The following TRABD2B variants were observed in gnomAD, a reference collection of about 807,000 sequenced individuals.
TRABD2B encodes the protein metalloprotease TIKI2.
A neutral mutation model predicts 40.1 loss-of-function variants in TRABD2B; 14 were observed. That is an observed-to-expected ratio of 0.35 (90% CI 0.23 to 0.55). The LOEUF is 0.55. Ranked by LOEUF, TRABD2B falls within the 20% of genes least tolerant of loss-of-function variation. The pLI is 0.90. For missense variants in TRABD2B, 541 were observed against 648.6 expected (o/e 0.83, Z 1.80); for synonymous variants, 263 against 277.0 (o/e 0.95, Z 0.50).
At chr1:47,927,874 T>C (rs1644990411) in intron 2 of TRABD2B, among the ~76,000 whole-genome samples, 2 of 152,222 alleles carry the variant, frequency 1.3e-5, no homozygotes, top group Admixed American at 6.5e-5. Context: ...GACCTCTGCT[T>C]CTCTCCCCAA....
Position 47,778,692 on chromosome 1 carries a change from A to G in TRABD2B, c.989-148T>C, listed in dbSNP as rs574768843. On this transcript the variant is annotated intron_variant, in intron 4 of 6. Coordinates refer to ENST00000606738, the MANE Select transcript of TRABD2B (RefSeq NM_001194986.2). ...GATTCCCTGAGAGGCAGTATAGCAT[A>G]GAAGGTAAGACATGGTCCTGGTGCC... The G allele has an allele frequency of 1.1e-4, 74 of 655,318 alleles. 1 individual carries two copies. In the South Asian group the frequency reaches 1.3e-3, roughly 11 times the overall value. 40.6% of individuals were successfully genotyped at this position (655,318 alleles called of 1,614,324 possible). A position where few individuals can be genotyped will look rare whatever the true frequency, so the allele number is the denominator to read the frequency against.
intron 2 of TRABD2B, among the ~76,000 whole-genome samples, chr1:47,918,161 T>C (rs187552436): frequency 6.6e-5 from 10 of 152,346 alleles, no homozygotes; most frequent in African/African-American, 2.2e-4. Flanking sequence ...TGAGTGGACC[T>C]GAGACCCTGG....
Position 47,830,624 on chromosome 1 carries a change from C to T in TRABD2B, c.667-29005G>A, listed in dbSNP as rs138700176. Among the ~76,000 whole-genome samples, 105 of 152,336 alleles carry T rather than the reference C, an allele frequency of 6.9e-4. 1 individual carries two copies. The highest frequency in any genetic ancestry group is 2.4e-3 in the African/African-American group (98 of 41,580). ...GCTTTGACAAGTACAAAGCTCTAGT[C>T]AGACATATAGGATGACGGATATTAT... On this transcript the variant is annotated intron_variant, in intron 2 of 6. Transcript: ENST00000606738.
intron 2 of TRABD2B, among the ~76,000 whole-genome samples, chr1:47,953,303 C>T (rs539622219): frequency 1.2e-4 from 19 of 152,312 alleles, no homozygotes; most frequent in African/African-American, 3.8e-4. Flanking sequence ...CACATACAAA[C>T]GTGCAAAAGC....
At chr1:47,817,198 T>C (rs573399725) in intron 2 of TRABD2B, among the ~76,000 whole-genome samples, 1 of 152,010 alleles carries the variant, frequency 6.6e-6, no homozygotes, top group African/African-American at 2.4e-5. Flanking sequence ...AGAGGCCATG[T>C]TTTCCATCCC....
intron 2 of TRABD2B, among the ~76,000 whole-genome samples, chr1:47,836,482 C>T (rs1240291253): frequency 1.3e-5 from 2 of 152,168 alleles, no homozygotes; most frequent in South Asian, 2.1e-4. Flanking sequence ...AACAACAGCC[C>T]CTCATCTAGA....
At chr1:47,809,148 C>T (rs1644929772) in intron 2 of TRABD2B, among the ~76,000 whole-genome samples, 1 of 152,134 alleles carries the variant, frequency 6.6e-6, no homozygotes, top group South Asian at 2.1e-4. Flanking sequence ...GGCTCCTTCC[C>T]TCAGGAGAAC....
At chr1:47,788,082 G>A (rs932666963) in intron 4 of TRABD2B, among the ~76,000 whole-genome samples, 2 of 152,086 alleles carry the variant, frequency 1.3e-5, no homozygotes, top group African/African-American at 4.8e-5. Flanking sequence ...CATCCCATCT[G>A]TACTTGGATT....
chr1:47,894,308 T>C (rs1644488672), intron 2 of TRABD2B, among the ~76,000 whole-genome samples: 1 of 152,212 alleles, frequency 6.6e-6, no homozygotes, highest in Non-Finnish European at 1.5e-5. Context: ...GTAATGGAGA[T>C]ATAATGGTAC....
At chr1:47,937,369 T>A (rs1407793909) in intron 2 of TRABD2B, among the ~76,000 whole-genome samples, 1 of 151,798 alleles carries the variant, frequency 6.6e-6, no homozygotes, top group Non-Finnish European at 1.5e-5. Flanking sequence ...GTCATGATCA[T>A]CATCATCACC....
rs909818570 is a variant in TRABD2B at position 47,761,634 on chromosome 1, G to A, written c.*4268C>T. The A allele has an allele frequency of 3.9e-5, 6 of 151,920 alleles. No individual in the cohort carries two copies. The highest frequency in any genetic ancestry group is 1.2e-4 in the African/African-American group (5 of 41,336). 9.4% of individuals were successfully genotyped at this position (151,920 alleles called of 1,614,324 possible). On this transcript the variant is annotated 3_prime_UTR_variant, in exon 7 of 7. Transcript: ENST00000606738. Reference sequence around the variant, plus strand: ...TAGAACTTGATCATTGCAGAGCCAGGAGGGACCCTCAATGTCATCTACACC... The same window carrying A: ...TAGAACTTGATCATTGCAGAGCCAGAAGGGACCCTCAATGTCATCTACACC...
At chr1:47,793,954 T>C (rs1015527070) in intron 4 of TRABD2B, among the ~76,000 whole-genome samples, 2 of 152,364 alleles carry the variant, frequency 1.3e-5, no homozygotes, top group African/African-American at 2.4e-5. Context: ...ATCACACTTA[T>C]ACTCAGTATC....
At chr1:47,780,421 G>A (rs189221101) in intron 4 of TRABD2B, among the ~76,000 whole-genome samples, 4 of 152,140 alleles carry the variant, frequency 2.6e-5, no homozygotes, top group East Asian at 3.9e-4. Flanking sequence ...TATTCATCTC[G>A]TTCATTTAAT....
intron 2 of TRABD2B, among the ~76,000 whole-genome samples, chr1:47,826,583 G>T (rs965665961): frequency 2.0e-5 from 3 of 151,612 alleles, no homozygotes; most frequent in Non-Finnish European, 4.4e-5. Context: ...GTGGTGGTTT[G>T]TTTTTTTTGA....
chr1:47,893,620 C>A (rs1644479163), intron 2 of TRABD2B, among the ~76,000 whole-genome samples: 1 of 152,182 alleles, frequency 6.6e-6, no homozygotes, highest in African/African-American at 2.4e-5. Flanking sequence ...TGGCTATGAG[C>A]TTTTAGAGGG....
intron 2 of TRABD2B, among the ~76,000 whole-genome samples, chr1:47,990,629 C>T (rs1215643209): frequency 6.6e-6 from 1 of 151,314 alleles, no homozygotes; most frequent in Non-Finnish European, 1.5e-5. Context: ...CATCAACAAC[C>T]TCCCACAGGT....
intron 2 of TRABD2B, among the ~76,000 whole-genome samples, chr1:47,874,537 G>C (rs1231482749): frequency 6.7e-6 from 1 of 149,716 alleles, no homozygotes; most frequent in East Asian, 2.0e-4. Context: ...CTCCCAAAGT[G>C]CTGGGATTAC....
intron 2 of TRABD2B, among the ~76,000 whole-genome samples, chr1:47,895,458 G>A (rs1473857988): frequency 6.6e-6 from 1 of 152,096 alleles, no homozygotes; most frequent in African/African-American, 2.4e-5. Flanking sequence ...GGACCCCACT[G>A]CCCCCCTCCC....
chr1:47,778,086 A>T (rs1644472275), intron 5 of TRABD2B, among the ~76,000 whole-genome samples: 1 of 152,154 alleles, frequency 6.6e-6, no homozygotes. Context: ...GAAAGAGACC[A>T]GGGCCCTGCC....
Sources: gnomAD v4.1 joint callset for allele counts (sites outside exome capture counted in the v4.1 genomes callset) on GRCh38, gnomAD v4.1.1 for gene constraint, MANE v1.5 for transcripts, NCBI Gene and HGNC (gene_info 2026-07-23, HGNC 2026-07-21) for gene names.